ABTB3: variants seen among roughly 807,000 people sequenced by gnomAD.
ABTB3 encodes the protein ankyrin repeat and BTB domain containing 3, also known as ankyrin repeat- and BTB/POZ domain-containing protein 3.
the ABTB3 span, among the ~76,000 whole-genome samples, chr12:107,618,812 C>G: frequency 6.6e-6 from 1 of 152,234 alleles, no homozygotes; most frequent in Non-Finnish European, 1.5e-5. Flanking sequence ...TGAGGAATCA[C>G]TGCCTTTAGA....
chr12:107,392,682 T>G, the ABTB3 span, among the ~76,000 whole-genome samples: 2 of 152,298 alleles, frequency 1.3e-5, no homozygotes, highest in Middle Eastern at 6.8e-3. Flanking sequence ...CATGTTTCCA[T>G]AGCAATCAGT....
At chr12:107,446,659 C>T in the ABTB3 span, among the ~76,000 whole-genome samples, 522 of 152,250 alleles carry the variant, frequency 3.4e-3, 23 homozygotes, top group East Asian at 0.085. Flanking sequence ...GCATCTGCAT[C>T]CATCCCCAGA....
At chr12:107,444,586 G>GT in the ABTB3 span, among the ~76,000 whole-genome samples, 1 of 152,190 alleles carries the variant, frequency 6.6e-6, no homozygotes, top group Non-Finnish European at 1.5e-5. Flanking sequence ...ATCAAGGGAA[G>GT]TTGGTAACTT....
chr12:107,572,098 T>A, the ABTB3 span, among the ~76,000 whole-genome samples: 1 of 152,096 alleles, frequency 6.6e-6, no homozygotes, highest in Non-Finnish European at 1.5e-5. Flanking sequence ...AATGTTGACA[T>A]GAGATTCTCC....
chr12:107,377,548 C>G, the ABTB3 span, among the ~76,000 whole-genome samples: 1 of 152,074 alleles, frequency 6.6e-6, no homozygotes, highest in Non-Finnish European at 1.5e-5. Flanking sequence ...CCCTGTGGGT[C>G]TTAGAGGGTC....
At chr12:107,476,833 G>GTA in the ABTB3 span, among the ~76,000 whole-genome samples, 1 of 151,886 alleles carries the variant, frequency 6.6e-6, no homozygotes, top group African/African-American at 2.4e-5. Flanking sequence ...GTGTGTGTGT[G>GTA]TATTTACTTG....
the ABTB3 span, among the ~76,000 whole-genome samples, chr12:107,493,075 G>A: frequency 5.2e-5 from 7 of 135,860 alleles, no homozygotes; most frequent in South Asian, 1.4e-3. Flanking sequence ...CCAAGCCACA[G>A]AGAAAAGAAA....
the ABTB3 span, among the ~76,000 whole-genome samples, chr12:107,470,654 G>C: frequency 6.6e-6 from 1 of 152,218 alleles, no homozygotes; most frequent in South Asian, 2.1e-4. Flanking sequence ...TCACCGCTGG[G>C]CCTCGTCACT....
the ABTB3 span, among the ~76,000 whole-genome samples, chr12:107,537,076 G>A: frequency 3.3e-5 from 5 of 152,092 alleles, no homozygotes; most frequent in African/African-American, 4.8e-5. Flanking sequence ...CATTTATGGC[G>A]ACATGGATGA....
At chr12:107,489,984 G>A in the ABTB3 span, among the ~76,000 whole-genome samples, 1 of 152,080 alleles carries the variant, frequency 6.6e-6, no homozygotes, top group Admixed American at 6.5e-5. Flanking sequence ...ACATAGGGAG[G>A]TGCCCTGAGG....
the ABTB3 span, among the ~76,000 whole-genome samples, chr12:107,348,808 G>A: frequency 6.6e-6 from 1 of 152,170 alleles, no homozygotes; most frequent in Non-Finnish European, 1.5e-5. Flanking sequence ...GCGATTTCAG[G>A]TAGTACTGAG....
At chr12:107,594,189 G>A in the ABTB3 span, among the ~76,000 whole-genome samples, 22,368 of 152,126 alleles carry the variant, frequency 0.15, 1,768 homozygotes, top group East Asian at 0.29. Flanking sequence ...ATGCTGCCTC[G>A]TCATTTTCTA....
At chr12:107,630,133 T>C in the ABTB3 span, among the ~76,000 whole-genome samples, 1 of 152,290 alleles carries the variant, frequency 6.6e-6, no homozygotes, top group African/African-American at 2.4e-5. Context: ...CTCTTAGGAC[T>C]CTGTTCCTTG....
chr12:107,594,350 A>G, the ABTB3 span, among the ~76,000 whole-genome samples: 1 of 152,304 alleles, frequency 6.6e-6, no homozygotes, highest in South Asian at 2.1e-4. Flanking sequence ...AATCAGGAAG[A>G]ATTGGCAGGG....
At chr12:107,361,379 C>T in the ABTB3 span, among the ~76,000 whole-genome samples, 15 of 152,116 alleles carry the variant, frequency 9.9e-5, no homozygotes, top group African/African-American at 1.4e-4. Context: ...TGTCGTGATA[C>T]GCTCTTTGAC....
the ABTB3 span, among the ~76,000 whole-genome samples, chr12:107,401,363 CT>C: frequency 6.6e-6 from 1 of 152,206 alleles, no homozygotes; most frequent in Non-Finnish European, 1.5e-5. Flanking sequence ...TCCTTTCCAG[CT>C]GGCTCTCCGC....
the ABTB3 span, among the ~76,000 whole-genome samples, chr12:107,593,729 T>A: frequency 1.3e-5 from 2 of 152,186 alleles, no homozygotes; most frequent in Non-Finnish European, 2.9e-5. Flanking sequence ...ACATAAGCAA[T>A]CCTGGGCAAC....
the ABTB3 span, among the ~76,000 whole-genome samples, chr12:107,422,875 T>C: frequency 1.3e-5 from 2 of 152,208 alleles, no homozygotes; most frequent in African/African-American, 4.8e-5. Context: ...TTCTCTCTTA[T>C]CTTGGTTCCA....
At chr12:107,578,380 C>CTTTTTTTTTTTTTT in the ABTB3 span, among the ~76,000 whole-genome samples, 5 of 46,596 alleles carry the variant, frequency 1.1e-4, no homozygotes, top group African/African-American at 4.0e-4. Context: ...TTTCTTTCTT[C>CTTTTTTTTTTTTTT]TTCTTTTTTT....
Sources: gnomAD v4.1 joint callset for allele counts (sites outside exome capture counted in the v4.1 genomes callset) on GRCh38, gnomAD v4.1.1 for gene constraint, MANE v1.5 for transcripts, NCBI Gene and HGNC (gene_info 2026-07-23, HGNC 2026-07-21) for gene names.